Variants in NXPH1 observed in about 807,000 individuals in gnomAD.
NXPH1 encodes the protein neurexophilin-1.
NXPH1 carries 5 observed loss-of-function variants against 23.7 expected under a neutral mutation model. The ratio of observed to expected loss-of-function variants is 0.21; its 90% confidence interval spans 0.11 to 0.44. The LOEUF (loss-of-function observed/expected upper bound fraction) is 0.44, where lower values mean the gene tolerates loss of function less well. Among genes scored for constraint, NXPH1 ranks in the 20% least tolerant of loss-of-function variants. The pLI, the probability that NXPH1 is intolerant of heterozygous loss-of-function variation, is 0.99. For synonymous variants in NXPH1, 144 were observed against 122.2 expected, an observed-to-expected ratio of 1.18 and a Z score of -1.18; for missense variants, 324 against 321.6, an observed-to-expected ratio of 1.01 and a Z score of -0.06.
intron 2 of NXPH1, among the ~76,000 whole-genome samples, chr7:8,503,694 T>C (rs976666010): frequency 2.0e-5 from 3 of 151,932 alleles, no homozygotes; most frequent in Non-Finnish European, 4.4e-5. Context: ...TCTGTAACAT[T>C]TCTCTGTTTT....
At chr7:8,645,240 A>G (rs1178750569) in intron 2 of NXPH1, among the ~76,000 whole-genome samples, 1 of 152,196 alleles carries the variant, frequency 6.6e-6, no homozygotes, top group Non-Finnish European at 1.5e-5. Context: ...TTTATTAGAT[A>G]ACTTAACCTT....
chr7:8,738,663 C>T (rs1337084651), intron 2 of NXPH1, among the ~76,000 whole-genome samples: 1 of 152,212 alleles, frequency 6.6e-6, no homozygotes, highest in Non-Finnish European at 1.5e-5. Flanking sequence ...GCTGGGAGAT[C>T]TGCTGCTCTA....
chr7:8,511,529 A>G (rs1817611881), intron 2 of NXPH1, among the ~76,000 whole-genome samples: 1 of 152,102 alleles, frequency 6.6e-6, no homozygotes, highest in Admixed American at 6.6e-5. Context: ...AGAGACCTTG[A>G]CATATCTCCT....
chr7:8,752,062 T>A lies in NXPH1; in HGVS notation c.*293T>A. 1 of 294,094 alleles carries A rather than the reference T, an allele frequency of 3.4e-6. No homozygotes were observed. Among genetic ancestry groups the A allele is most frequent in the Non-Finnish European group, 6.4e-6 (1 of 155,104 alleles). The allele number at this position is 294,094 out of a possible 1,614,324, so 18.2% of individuals were successfully genotyped here. On this transcript the variant is annotated 3_prime_UTR_variant, in exon 3 of 3. Transcript: ENST00000405863. Reference sequence around the variant, plus strand: ...TCATGCACATTTCAGCTTGCGTCTATCATGATTCCTGTTGAGAGGGCTTTC... The same window carrying A: ...TCATGCACATTTCAGCTTGCGTCTAACATGATTCCTGTTGAGAGGGCTTTC...
At chr7:8,626,054 C>T (rs938982274) in intron 2 of NXPH1, among the ~76,000 whole-genome samples, 1 of 152,038 alleles carries the variant, frequency 6.6e-6, no homozygotes, top group Non-Finnish European at 1.5e-5. Flanking sequence ...ATAGGAAATA[C>T]AAGATGTTAT....
At chr7:8,552,684 G>A (rs1026270035) in intron 2 of NXPH1, among the ~76,000 whole-genome samples, 6 of 151,446 alleles carry the variant, frequency 4.0e-5, no homozygotes, top group Admixed American at 1.3e-4. Context: ...TCTTGGATGC[G>A]AAGGCACAGA....
At chr7:8,737,111 GA>G (rs1780272941) in intron 2 of NXPH1, among the ~76,000 whole-genome samples, 2 of 152,048 alleles carry the variant, frequency 1.3e-5, no homozygotes, top group Non-Finnish European at 2.9e-5. Flanking sequence ...CTTTTAATTG[GA>G]GCTTTTAGCC....
At chr7:8,670,933 G>A (rs1583223676) in intron 2 of NXPH1, among the ~76,000 whole-genome samples, 1 of 152,066 alleles carries the variant, frequency 6.6e-6, no homozygotes. Context: ...TAAGCTGATA[G>A]CACCTCTGAC....
chr7:8,736,522 A>G (rs1439457553), intron 2 of NXPH1, among the ~76,000 whole-genome samples: 1 of 152,082 alleles, frequency 6.6e-6, no homozygotes, highest in Non-Finnish European at 1.5e-5. Context: ...GTTATTTTGC[A>G]TTTGCTCAGG....
At chr7:8,470,954 T>A (rs746267101) in intron 2 of NXPH1, among the ~76,000 whole-genome samples, 2 of 151,926 alleles carry the variant, frequency 1.3e-5, no homozygotes, top group Non-Finnish European at 2.9e-5. Context: ...TCAGAGAGGA[T>A]CTTACAAATT....
intron 2 of NXPH1, among the ~76,000 whole-genome samples, chr7:8,508,676 G>A (rs1367837073): frequency 6.6e-6 from 1 of 151,970 alleles, no homozygotes; most frequent in Non-Finnish European, 1.5e-5. Context: ...AAATCCTGGA[G>A]TTCAGAGGCT....
chr7:8,626,383 A>C (rs974076053), intron 2 of NXPH1, among the ~76,000 whole-genome samples: 4 of 147,830 alleles, frequency 2.7e-5, no homozygotes, highest in Admixed American at 6.7e-5. Context: ...CATGCAGTTT[A>C]CTTTTTTTTT....
intron 2 of NXPH1, among the ~76,000 whole-genome samples, chr7:8,706,214 C>T (rs751555617): frequency 1.3e-5 from 2 of 152,156 alleles, no homozygotes; most frequent in Non-Finnish European, 1.5e-5. Context: ...TTGGAATACC[C>T]GAACATGGAT....
At chr7:8,558,237 G>A (rs1022732959) in intron 2 of NXPH1, among the ~76,000 whole-genome samples, 8 of 150,146 alleles carry the variant, frequency 5.3e-5, no homozygotes, top group African/African-American at 2.0e-4. Context: ...TATTTTTTTC[G>A]GTGACACATT....
At chr7:8,684,264 T>G (rs971943751) in intron 2 of NXPH1, among the ~76,000 whole-genome samples, 3 of 152,182 alleles carry the variant, frequency 2.0e-5, no homozygotes, top group Non-Finnish European at 4.4e-5. Flanking sequence ...CCATTAGCTG[T>G]GATCACCACA....
rs114196315 is a variant in NXPH1 at position 8,738,106 on chromosome 7, T to C, written c.55-12902T>C. Among the ~76,000 whole-genome samples the C allele has an allele frequency of 3.3e-3, 505 of 152,308 alleles. 2 individuals carry two copies. The highest frequency in any genetic ancestry group is 0.012 in the African/African-American group (480 of 41,574). On this transcript the variant is annotated intron_variant, in intron 2 of 2. Transcript: ENST00000405863. The stretch of plus-strand genomic sequence containing the variant: ...GCTCCTTTAGCTTGGGGGAGTTTAC[T>C]ATTACCAACCTTCTGAAGCCTACTT...
chr7:8,562,684 C>A (rs28590478), intron 2 of NXPH1, among the ~76,000 whole-genome samples: 19 of 151,316 alleles, frequency 1.3e-4, no homozygotes, highest in African/African-American at 4.6e-4. Flanking sequence ...AGATAATATC[C>A]TAATGGATAT....
At chr7:8,691,596 T>C (rs1821222452) in intron 2 of NXPH1, among the ~76,000 whole-genome samples, 4 of 152,152 alleles carry the variant, frequency 2.6e-5, no homozygotes, top group African/African-American at 9.7e-5. Context: ...AATTGAAAAG[T>C]AGAAATGGAA....
intron 2 of NXPH1, among the ~76,000 whole-genome samples, chr7:8,674,165 A>ACG (rs1554264614): frequency 2.3e-5 from 1 of 42,612 alleles, no homozygotes; most frequent in Admixed American, 4.3e-4. Flanking sequence ...ACATATAGAC[A>ACG]CACACACACA....
Sources: allele counts gnomAD v4.1 joint callset (sites outside exome capture counted in the v4.1 genomes callset), GRCh38; gene constraint gnomAD v4.1.1; transcripts MANE v1.5; gene names NCBI Gene and HGNC (gene_info 2026-07-23, HGNC 2026-07-21).